The following PNMA8A variants were observed in gnomAD, a reference collection of about 807,000 sequenced individuals.
PNMA8A encodes the protein PNMA family member 8A, also known as paraneoplastic antigen-like protein 8A.
In PNMA8A, 17 loss-of-function variants were observed where a neutral mutation model predicts 26.6. That is an observed-to-expected ratio of 0.64 (90% CI 0.44 to 0.96). The LOEUF (loss-of-function observed/expected upper bound fraction) is 0.96. Ranked by LOEUF, PNMA8A falls within the 40% of genes least tolerant of loss-of-function variation. The pLI, the probability that PNMA8A is intolerant of heterozygous loss-of-function variation, is 0.00. For synonymous variants in PNMA8A, 224 were observed against 182.0 expected (o/e 1.23, Z -1.86); for missense variants, 532 against 488.4 (o/e 1.09, Z -0.84).
chr19:46,470,216 G>T lies in PNMA8A; in HGVS notation c.820C>A (p.Pro274Thr). Reference protein sequence around the residue: ...NSNSTANLEDPEVGDAESMAI... With the variant: ...NSNSTANLEDTEVGDAESMAI... The stretch of plus-strand genomic sequence containing the variant: ...ATGCTTTCAGCATCACCCACCTCAG[G>T]ATCCTCCAAGTTAGCTGTGCTGTTG... Residue 274 changes from proline (P) to threonine (T), a missense_variant, in exon 2 of 3, where the codon CCT becomes ACT. Pro to Thr is a conservative substitution (Grantham distance 38). Transcript: ENST00000313683. The T allele has an allele frequency of 6.2e-7, 1 of 1,614,138 alleles. No individual in the cohort carries two copies. Among genetic ancestry groups the T allele is most frequent in the South Asian group, 1.1e-5 (1 of 91,086 alleles).
intron 2 of PNMA8A, 99 bp from the exon 3 acceptor site, chr19:46,468,676 A>G: frequency 1.0e-6 from 1 of 958,886 alleles, no homozygotes; most frequent in Non-Finnish European, 1.7e-6. Context: ...GAACATTTCT[A>G]TTCCCCAGCC....
rs1200957458 is a variant in PNMA8A at position 46,468,486 on chromosome 19, T to C, written c.*75A>G. On this transcript the variant is annotated 3_prime_UTR_variant, in exon 3 of 3. Coordinates refer to ENST00000313683, the MANE Select transcript of PNMA8A (RefSeq NM_018215.4). ...TAAGAGAGTCCAAAGTCTTATTCAG[T>C]GACAAGAGAGAACTTGGTTGACTTG... The C allele has an allele frequency of 1.4e-6, 2 of 1,410,532 alleles. No individual in the cohort carries two copies. Among genetic ancestry groups the C allele is most frequent in the South Asian group, 1.2e-5 (1 of 86,564 alleles). 87.4% of individuals were successfully genotyped at this position (1,410,532 alleles called of 1,614,324 possible). A position where few individuals can be genotyped will look rare whatever the true frequency, so the allele number is the denominator to read the frequency against.
chr19:46,468,256 A>C lies in PNMA8A; in HGVS notation c.*305T>G, dbSNP rs544380124. 23 of 415,740 alleles carry C rather than the reference A, an allele frequency of 5.5e-5. No homozygotes were observed. The highest frequency in any genetic ancestry group is 4.3e-4 in the African/African-American group (22 of 50,670). The allele number at this position is 415,740 out of a possible 1,614,324, so 25.8% of individuals were successfully genotyped here. A position where few individuals can be genotyped will look rare whatever the true frequency, so the allele number is the denominator to read the frequency against. On this transcript the variant is annotated 3_prime_UTR_variant, in exon 3 of 3. Transcript: ENST00000313683. ...AGTGTAACAGTGACCCTGCTCATGC[A>C]TAAAGGGGAATGAATGTTCTAGAAT...
At chr19:46,471,212 G>A in intron 1 of PNMA8A, 98 bp from the exon 2 acceptor site, 4 of 550,540 alleles carry the variant, frequency 7.3e-6, no homozygotes, top group Non-Finnish European at 1.3e-5. Flanking sequence ...AGGAGGCCTG[G>A]CGCTTTCCCA....
Position 46,470,584 on chromosome 19 carries a change from C to T in PNMA8A, c.452G>A (p.Gly151Glu). Residue 151 changes from glycine (G) to glutamate (E), a missense_variant, in exon 2 of 3, where the codon GGG becomes GAG. Physicochemically the swap from Gly to Glu is moderately conservative, Grantham distance 98 (BLOSUM62 -2). Transcript: ENST00000313683. ...CTGCACCACTGCTCCCAGAAGCACCCCCAGAGCTTCTGCCCAGTTCTCTGG... is the reference window on the plus strand; with the variant it reads ...CTGCACCACTGCTCCCAGAAGCACCTCCAGAGCTTCTGCCCAGTTCTCTGG... ...QPPENWAEAL[G>E]VLLGAVVQII... is the part of the protein sequence containing the mutation. 6.2e-7 allele frequency: 1 copy of T among 1,614,054 alleles called. No individual in the cohort carries two copies. The highest frequency in any genetic ancestry group is 8.5e-7 in the Non-Finnish European group (1 of 1,179,962).
rs766428522 is a variant in PNMA8A at position 46,470,583 on chromosome 19, C to G, written c.453G>C (p.Gly151=). Residue 151 remains glycine, a synonymous_variant, in exon 2 of 3, where the codon GGG becomes GGC. Coordinates refer to ENST00000313683, the MANE Select transcript of PNMA8A (RefSeq NM_018215.4). ...QPPENWAEAL[G]VLLGAVVQII... is the part of the protein sequence containing the mutation. ...TCTGCACCACTGCTCCCAGAAGCAC[C>G]CCCAGAGCTTCTGCCCAGTTCTCTG... The G allele has an allele frequency of 6.2e-7, 1 of 1,614,028 alleles. No individual in the cohort carries two copies. The highest frequency in any genetic ancestry group is 1.1e-5 in the South Asian group (1 of 91,086).
At position 46,468,535 on chromosome 19, in the gene PNMA8A, C is replaced by T. The variant is rs755989880; in HGVS notation, c.*26G>A. 1.2e-6 allele frequency: 2 copies of T among 1,610,052 alleles called. No individual in the cohort carries two copies. The highest frequency in any genetic ancestry group is 1.1e-5 in the South Asian group (1 of 90,942). On this transcript the variant is annotated 3_prime_UTR_variant, in exon 3 of 3. Transcript: ENST00000313683. The stretch of plus-strand genomic sequence containing the variant: ...TGGTACTTCTTCCTTGTTCTTTCAA[C>T]TCCTCAGTATGGGTGGTCCCCCAGA...
rs768400931 is a variant in PNMA8A at position 46,470,185 on chromosome 19, A to T, written c.851T>A (p.Ile284Asn). The change falls in exon 2 of 3, where the codon ATC (isoleucine) becomes AAC (asparagine). Residue 284 changes from isoleucine to asparagine, a missense_variant. Physicochemically the swap from Ile to Asn is moderately radical, Grantham distance 149. Coordinates refer to ENST00000313683, the MANE Select transcript of PNMA8A (RefSeq NM_018215.4). ...PEVGDAESMA[I>N]SEPIKGSRKP... is the part of the protein sequence containing the mutation. Reference sequence around the variant, plus strand: ...TCTGCTGCCCTTGATCGGCTCTGAGATCGCCATGCTTTCAGCATCACCCAC... The same window carrying T: ...TCTGCTGCCCTTGATCGGCTCTGAGTTCGCCATGCTTTCAGCATCACCCAC... The T allele has an allele frequency of 6.2e-7, 1 of 1,614,178 alleles. No individual in the cohort carries two copies. The highest frequency in any genetic ancestry group is 8.5e-7 in the Non-Finnish European group (1 of 1,180,042).
At position 46,467,110 on chromosome 19, in the gene PNMA8A, C is replaced by A. The variant is rs1969716677; in HGVS notation, c.*1451G>T. 1 of 152,142 alleles carries A rather than the reference C, an allele frequency of 6.6e-6. No homozygotes were observed. Among genetic ancestry groups the A allele is most frequent in the Non-Finnish European group, 1.5e-5 (1 of 68,036 alleles). 9.4% of individuals were successfully genotyped at this position (152,142 alleles called of 1,614,324 possible). A position where few individuals can be genotyped will look rare whatever the true frequency, so the allele number is the denominator to read the frequency against. On this transcript the variant is annotated 3_prime_UTR_variant, in exon 3 of 3. Transcript: ENST00000313683. ...AACTCAATTTTAAGCAAAGAGATGC[C>A]TGAAATAACTAAGACGTGTACAAAA...
At chr19:46,468,762 T>C (rs11672625) in intron 2 of PNMA8A, among the ~76,000 whole-genome samples, 185 bp from the exon 3 acceptor site, 2 of 151,424 alleles carry the variant, frequency 1.3e-5, no homozygotes, top group Admixed American at 6.6e-5. Flanking sequence ...ATATTTTTTT[T>C]GGGGGGAGGG....
Position 46,468,568 on chromosome 19 carries a change from T to C in PNMA8A, c.1313A>G (p.Lys438Arg). ...SPRRATNESR[K>R]V ...TATGGGTGGTCCCCCAGATCAAACC[T>C]TTCTGGATTCTGCAAATAAATGAGA... The change falls in exon 3 of 3, where the codon AAG becomes AGG. Residue 438 changes from lysine to arginine, a missense_variant. Transcript: ENST00000313683. The C allele has an allele frequency of 1.2e-6, 2 of 1,612,826 alleles. No homozygotes were observed. Among genetic ancestry groups the C allele is most frequent in the Non-Finnish European group, 1.7e-6 (2 of 1,178,818 alleles).
Position 46,470,297 on chromosome 19 carries a change from TC to T in PNMA8A, c.738del (p.Lys247ArgfsTer50). 1.2e-6 allele frequency: 2 copies of T among 1,613,858 alleles called. No homozygotes were observed. The highest frequency in any genetic ancestry group is 2.2e-5 in the South Asian group (2 of 91,084). On this transcript the variant is annotated frameshift_variant, in exon 2 of 3. Coordinates refer to ENST00000313683, the MANE Select transcript of PNMA8A (RefSeq NM_018215.4). LOFTEE classifies it high-confidence loss of function. The stretch of plus-strand genomic sequence containing the variant: ...ACTGCTTCCTGCCTGGAGTTCTTCT[TC>T]TGCTTCTTTCTCCTGGAGCGAGACT... ...GAKSRSRRKK[Q>X]KKNSRQEAVP...
chr19:46,470,889 T>C lies in PNMA8A; in HGVS notation c.147A>G (p.Pro49=), dbSNP rs1568608064. 1 of 780,952 alleles carries C rather than the reference T, an allele frequency of 1.3e-6. No individual in the cohort carries two copies. 48.4% of individuals were successfully genotyped at this position (780,952 alleles called of 1,614,324 possible). ...IEETLNGVLS[P]LGPYRVLNKI... ...TGTTGAGCACGCGGTACGGGCCCAG[T>C]GGGGAGAGGACCCCATTCAAGGTCT... Residue 49 remains proline, a synonymous_variant, in exon 2 of 3, where the codon CCA becomes CCG. Coordinates refer to ENST00000313683, the MANE Select transcript of PNMA8A (RefSeq NM_018215.4).
rs370041386 is a variant in PNMA8A at position 46,469,770 on chromosome 19, C to G, written c.1266G>C (p.Lys422Asn). Residue 422 changes from lysine to asparagine, a missense_variant, in exon 2 of 3, where the codon AAG becomes AAC. Transcript: ENST00000313683. The part of the protein sequence containing the change: ...EATASTSRGP[K>N]AKPEGSPRRA... Reference sequence around the variant, plus strand: ...GCCGAGGAGAGCCTTCTGGCTTGGCCTTCGGACCCCTAGAGGTTGAGGCTG... The same window carrying G: ...GCCGAGGAGAGCCTTCTGGCTTGGCGTTCGGACCCCTAGAGGTTGAGGCTG... 1 of 1,612,550 alleles carries G rather than the reference C, an allele frequency of 6.2e-7. No individual in the cohort carries two copies. Among genetic ancestry groups the G allele is most frequent in the Non-Finnish European group, 8.5e-7 (1 of 1,179,628 alleles).
In PNMA8A at chr19:46,468,377, A is replaced by C. The variant is rs1231842605; in HGVS notation, c.*184T>G. 1 of 562,404 alleles carries C rather than the reference A, an allele frequency of 1.8e-6. No individual in the cohort carries two copies. The highest frequency in any genetic ancestry group is 3.3e-6 in the Non-Finnish European group (1 of 306,298). The allele number at this position is 562,404 out of a possible 1,614,324, so 34.8% of individuals were successfully genotyped here. A position where few individuals can be genotyped will look rare whatever the true frequency, so the allele number is the denominator to read the frequency against. On this transcript the variant is annotated 3_prime_UTR_variant, in exon 3 of 3. Transcript: ENST00000313683. ...GCCTGGTAGAGAAAAGGGCATAGAGATCCACCTCCCTTCCCCAACTCCCTC... is the reference window on the plus strand; with the variant it reads ...GCCTGGTAGAGAAAAGGGCATAGAGCTCCACCTCCCTTCCCCAACTCCCTC...
At position 46,469,940 on chromosome 19, in the gene PNMA8A, T is replaced by C. The variant is rs1969760390; in HGVS notation, c.1096A>G (p.Lys366Glu). The change falls in exon 2 of 3, where the codon AAG becomes GAG. Residue 366 changes from lysine to glutamate, a missense_variant. Coordinates refer to ENST00000313683, the MANE Select transcript of PNMA8A (RefSeq NM_018215.4). ...KNPAPMRKKK[K>E]VSLGPVSYVL... ...TAGGAGACAGGGCCCAAGCTCACCTTCTTCTTCTTCCTCATGGGAGCGGGG... is the reference window on the plus strand; with the variant it reads ...TAGGAGACAGGGCCCAAGCTCACCTCCTTCTTCTTCCTCATGGGAGCGGGG... The C allele has an allele frequency of 5.0e-6, 8 of 1,613,476 alleles. No homozygotes were observed. Among genetic ancestry groups the C allele is most frequent in the Non-Finnish European group, 6.8e-6 (8 of 1,179,778 alleles).
Position 46,470,225 on chromosome 19 carries a change from A to G in PNMA8A, c.811T>C (p.Leu271=), listed in dbSNP as rs767725245. ...KGINSNSTAN[L]EDPEVGDAES... Reference sequence around the variant, plus strand: ...GCATCACCCACCTCAGGATCCTCCAAGTTAGCTGTGCTGTTGGAATTGATG... The same window carrying G: ...GCATCACCCACCTCAGGATCCTCCAGGTTAGCTGTGCTGTTGGAATTGATG... The change falls in exon 2 of 3, where the codon TTG becomes CTG. Residue 271 remains leucine (L), a synonymous_variant. Coordinates refer to ENST00000313683, the MANE Select transcript of PNMA8A (RefSeq NM_018215.4). 4 of 1,614,148 alleles carry G rather than the reference A, an allele frequency of 2.5e-6. No homozygotes were observed. The highest frequency in any genetic ancestry group is 4.5e-5 in the East Asian group (2 of 44,880).
Position 46,469,805 on chromosome 19 carries a change from C to T in PNMA8A, c.1231G>A (p.Ala411Thr), listed in dbSNP as rs759531263. The change falls in exon 2 of 3, where the codon GCC (alanine) becomes ACC (threonine). Residue 411 changes from alanine (A) to threonine (T), a missense_variant. Ala to Thr is a moderately conservative substitution (Grantham distance 58). Coordinates refer to ENST00000313683, the MANE Select transcript of PNMA8A (RefSeq NM_018215.4). Reference sequence around the variant, plus strand: ...CTAGAGGTTGAGGCTGTTGCCTCGGCAGGCTGCTGGCCCCGAGGGGCCTTC... The same window carrying T: ...CTAGAGGTTGAGGCTGTTGCCTCGGTAGGCTGCTGGCCCCGAGGGGCCTTC... ...DQKAPRGQQP[A>T]EATASTSRGP... 3 of 1,614,208 alleles carry T rather than the reference C, an allele frequency of 1.9e-6. No homozygotes were observed. In the East Asian group the frequency reaches 6.7e-5, roughly 36 times the overall value.
At position 46,466,638 on chromosome 19, in the gene PNMA8A, A is replaced by G. The variant is rs1459193232; in HGVS notation, c.*1923T>C. 6.6e-6 allele frequency: 1 copy of G among 152,196 alleles called. No individual in the cohort carries two copies. Among genetic ancestry groups the G allele is most frequent in the African/African-American group, 2.4e-5 (1 of 41,460 alleles). 9.4% of individuals were successfully genotyped at this position (152,196 alleles called of 1,614,324 possible). A position where few individuals can be genotyped will look rare whatever the true frequency, so the allele number is the denominator to read the frequency against. ...ACAGTTACAGGCTTTGGTCTCTTCA[A>G]GAATCCAATTCACCCCTGGGTTTCG... is the stretch of plus-strand genomic sequence containing the variant. On this transcript the variant is annotated 3_prime_UTR_variant, in exon 3 of 3. Transcript: ENST00000313683.
Sources: allele counts gnomAD v4.1 joint callset (sites outside exome capture counted in the v4.1 genomes callset), GRCh38; gene constraint gnomAD v4.1.1; transcripts MANE v1.5; gene names NCBI Gene and HGNC (gene_info 2026-07-23, HGNC 2026-07-21).